Variants in DNAH14 observed in about 807,000 individuals in gnomAD.
The protein encoded by DNAH14 is axonemal beta dynein heavy chain 14.
DNAH14 carries 478 observed loss-of-function variants against 520.9 expected under a neutral mutation model. That is an observed-to-expected ratio of 0.92 (90% CI 0.85 to 0.99). The LOEUF is 0.99. Among genes scored for constraint, DNAH14 ranks in the 50% least tolerant of loss-of-function variants. The pLI, the probability that DNAH14 is intolerant of heterozygous loss-of-function variation, is 0.00. For synonymous variants in DNAH14, 1,581 were observed against 1,757.2 expected, an observed-to-expected ratio of 0.90 and a Z score of 2.51; for missense variants, 4,831 against 5,234.5, an observed-to-expected ratio of 0.92 and a Z score of 2.38.
rs541989025 is a variant in DNAH14, at chr1:225,227,271, TTGGGCAGAGGTCCC to T, written c.6440-3799_6440-3786del. The stretch of plus-strand genomic sequence containing the variant: ...AACCTTGGACAATACCCAGGCTTTC[TTGGGCAGAGGTCCC>T]TGTGGCCTTCCGCAGTGCATTGTGT... On this transcript the variant is annotated intron_variant, in intron 41 of 85. Coordinates refer to ENST00000682510, the MANE Select transcript of DNAH14 (RefSeq NM_001367479.1). Among the ~76,000 whole-genome samples the T allele has an allele frequency of 6.0e-3, 917 of 152,172 alleles. 14 individuals are homozygous for T. Among genetic ancestry groups the T allele is most frequent in the Non-Finnish European group, 7.0e-3 (474 of 67,966 alleles).
chr1:224,946,524 C>CCGG (rs1392309854), intron 1 of DNAH14, among the ~76,000 whole-genome samples: 2 of 152,160 alleles, frequency 1.3e-5, no homozygotes, highest in African/African-American at 4.8e-5. Context: ...AACCCGGTAC[C>CCGG]TCAGTTGGAA....
chr1:225,379,524 TC>T (rs1247195690), intron 79 of DNAH14, among the ~76,000 whole-genome samples: 2 of 152,108 alleles, frequency 1.3e-5, no homozygotes, highest in Non-Finnish European at 2.9e-5. Flanking sequence ...CCTTTCCTTT[TC>T]TTTTTTTAAA....
chr1:225,113,424 T>C (rs1439094653), intron 23 of DNAH14, among the ~76,000 whole-genome samples: 1 of 152,050 alleles, frequency 6.6e-6, no homozygotes, highest in African/African-American at 2.4e-5. Flanking sequence ...CCATGGTGGG[T>C]CAGACCTGAA....
chr1:225,010,423 C>T (rs184369353), intron 10 of DNAH14, among the ~76,000 whole-genome samples: 59 of 152,016 alleles, frequency 3.9e-4, no homozygotes, highest in African/African-American at 1.4e-3. Context: ...GTTGAACCAG[C>T]CTTGCATCCT....
intron 66 of DNAH14, among the ~76,000 whole-genome samples, chr1:225,335,545 G>A (rs202193706): frequency 0.3 from 20,596 of 69,800 alleles, 4,870 homozygotes; most frequent in South Asian, 0.45. Flanking sequence ...ACATATATAC[G>A]TATATACATA....
chr1:225,285,223 TTG>T (rs1345758338), intron 54 of DNAH14, among the ~76,000 whole-genome samples: 1 of 152,148 alleles, frequency 6.6e-6, no homozygotes, highest in Non-Finnish European at 1.5e-5. Context: ...ATGATCCTGT[TTG>T]TGGAAAATCC....
intron 41 of DNAH14, among the ~76,000 whole-genome samples, chr1:225,208,863 A>G (rs982206351): frequency 2.6e-5 from 4 of 152,172 alleles, no homozygotes; most frequent in African/African-American, 9.7e-5. Flanking sequence ...TTGCTCTGCT[A>G]CATGCAGTCT....
At chr1:225,276,720 A>G (rs1354210344) in intron 53 of DNAH14, among the ~76,000 whole-genome samples, 1 of 151,188 alleles carries the variant, frequency 6.6e-6, no homozygotes, top group East Asian at 2.0e-4. Flanking sequence ...CAACATAATG[A>G]AACCCTATCT....
chr1:225,025,940 T>G (rs1258275054), intron 11 of DNAH14, among the ~76,000 whole-genome samples: 1 of 152,134 alleles, frequency 6.6e-6, no homozygotes. Context: ...TGGCCATTTA[T>G]ATATGTTCTT....
At chr1:225,204,316 C>A in intron 39 of DNAH14, 43 bp downstream of exon 39, 1 of 1,160,624 alleles carries the variant, frequency 8.6e-7, no homozygotes, top group Non-Finnish European at 1.2e-6. Flanking sequence ...ATATAGAAGA[C>A]AAACTCTCAA....
At chr1:225,217,150 G>T (rs1376685143) in intron 41 of DNAH14, among the ~76,000 whole-genome samples, 1 of 152,194 alleles carries the variant, frequency 6.6e-6, no homozygotes, top group African/African-American at 2.4e-5. Context: ...CAGGTCTGTT[G>T]GAGTTTGCTG....
intron 54 of DNAH14, among the ~76,000 whole-genome samples, chr1:225,279,563 A>C (rs1189152060): frequency 6.6e-6 from 1 of 152,236 alleles, no homozygotes; most frequent in East Asian, 1.9e-4. Flanking sequence ...TAAAAAAGTA[A>C]AAGAAGAAAT....
chr1:225,270,987 C>A, intron 50 of DNAH14, 121 bp downstream of exon 50: 1 of 1,076,786 alleles, frequency 9.3e-7, no homozygotes, highest in Non-Finnish European at 1.3e-6. Flanking sequence ...ATTTTATTTC[C>A]CCGTATGTTT....
rs181351892 is a variant in DNAH14 at position 225,284,973 on chromosome 1, C to T, written c.8272-4912C>T. On this transcript the variant is annotated intron_variant, in intron 54 of 85. Transcript: ENST00000682510. ...CTCAGCAAAAAGGAAAAGAAGGAAG[C>T]TTCAGCAACCTAATAAAGAGCTTCT... Among the ~76,000 whole-genome samples the T allele has an allele frequency of 3.3e-3, 498 of 152,262 alleles. 1 individual carries two copies. Among genetic ancestry groups the T allele is most frequent in the African/African-American group, 0.011 (465 of 41,552 alleles).
chr1:225,165,549 T>G (rs1188723984), intron 35 of DNAH14, among the ~76,000 whole-genome samples: 3 of 122,076 alleles, frequency 2.5e-5, no homozygotes, highest in Non-Finnish European at 4.8e-5. Flanking sequence ...ATAGATTTTG[T>G]TTTTTTTTTT....
intron 36 of DNAH14, among the ~76,000 whole-genome samples, chr1:225,172,424 A>G (rs2082797599): frequency 6.6e-6 from 1 of 152,242 alleles, no homozygotes; most frequent in African/African-American, 2.4e-5. Context: ...GTCTCAGGAT[A>G]CAAAATCAAT....
chr1:225,203,313 T>C (rs2087104218), intron 38 of DNAH14, among the ~76,000 whole-genome samples: 1 of 152,206 alleles, frequency 6.6e-6, no homozygotes, highest in Admixed American at 6.5e-5. Flanking sequence ...ATAATTACTT[T>C]TGTAATAGGA....
chr1:225,264,632 G>T (rs1454734276), intron 47 of DNAH14, among the ~76,000 whole-genome samples: 1 of 152,044 alleles, frequency 6.6e-6, no homozygotes, highest in Non-Finnish European at 1.5e-5. Context: ...CTCAAATCAG[G>T]CCATGCAATA....
intron 41 of DNAH14, among the ~76,000 whole-genome samples, chr1:225,229,851 T>C (rs189862902): frequency 6.6e-6 from 1 of 152,252 alleles, no homozygotes; most frequent in Non-Finnish European, 1.5e-5. Flanking sequence ...ACCACCATGG[T>C]ACATGTATAC....
Sources: allele counts gnomAD v4.1 joint callset (sites outside exome capture counted in the v4.1 genomes callset), GRCh38; gene constraint gnomAD v4.1.1; transcripts MANE v1.5; gene names NCBI Gene and HGNC (gene_info 2026-07-23, HGNC 2026-07-21).